Variants in MICU1 observed in about 807,000 individuals in gnomAD.
MICU1 encodes the protein mitochondrial calcium uptake 1.
MICU1 carries 45 observed loss-of-function variants against 56.8 expected under a neutral mutation model. That is an observed-to-expected ratio of 0.79 (90% confidence interval 0.62 to 1.02). The LOEUF is 1.02. MICU1 is among the 50% of genes least tolerant of loss of function. The probability of loss-of-function intolerance (pLI) is 0.00; values close to 1 mark genes in which losing one functional copy is unlikely to be tolerated. For synonymous variants in MICU1, 186 were observed against 195.1 expected (o/e 0.95, Z 0.39); for missense variants, 504 against 587.1 (o/e 0.86, Z 1.46).
intron 10 of MICU1, among the ~76,000 whole-genome samples, chr10:72,376,956 A>G (rs1246466721): frequency 1.3e-5 from 2 of 152,012 alleles, no homozygotes; most frequent in East Asian, 1.9e-4. Context: ...GTGTGAGTAC[A>G]CTAAGGCTTC....
chr10:72,614,530 T>G (rs551747886), intron 1 of MICU1, among the ~76,000 whole-genome samples: 1 of 152,346 alleles, frequency 6.6e-6, no homozygotes, highest in African/African-American at 2.4e-5. Flanking sequence ...AGGAATATTA[T>G]TCAGCCTTTA....
At chr10:72,604,358 C>CG (rs1162951459) in intron 1 of MICU1, among the ~76,000 whole-genome samples, 8 of 75,430 alleles carry the variant, frequency 1.1e-4, no homozygotes, top group Non-Finnish European at 2.2e-4. Flanking sequence ...ACTGCAACCT[C>CG]CCCCTCCTGG....
chr10:72,441,617 T>TTC (rs1564870939), intron 8 of MICU1, among the ~76,000 whole-genome samples: 4 of 115,778 alleles, frequency 3.5e-5, no homozygotes, highest in Admixed American at 7.8e-5. Context: ...TAATTTTTCT[T>TTC]TTTTTTTTTT....
chr10:72,564,751 GA>G (rs1446203737), intron 2 of MICU1, among the ~76,000 whole-genome samples: 1 of 152,012 alleles, frequency 6.6e-6, no homozygotes, highest in African/African-American at 2.4e-5. Context: ...GTCACACAGA[GA>G]AAGAGCTCCA....
chr10:72,611,948 AATAGCCACTG>A (rs1841861783), intron 1 of MICU1, among the ~76,000 whole-genome samples: 1 of 150,852 alleles, frequency 6.6e-6, no homozygotes, highest in African/African-American at 2.4e-5. Context: ...AGTGACTGTG[AATAGCCACTG>A]CACTCCTGCC....
In MICU1 at chr10:72,564,706, TG is replaced by T. The variant is rs1346366943; in HGVS notation, c.162-1644del. On this transcript the variant is annotated intron_variant, in intron 2 of 11. Transcript: ENST00000361114. Reference sequence around the variant, plus strand: ...CAAAGTTTGGAAAACCTGAGGTGCCTGGAATTGGTGAGGCAGAGGACTCAAA... The same window carrying T: ...CAAAGTTTGGAAAACCTGAGGTGCCTGAATTGGTGAGGCAGAGGACTCAAA... Among the ~76,000 whole-genome samples, 6 of 152,110 alleles carry T rather than the reference TG, an allele frequency of 3.9e-5. No homozygotes were observed. In the East Asian group the frequency reaches 7.7e-4, roughly 20 times the overall value.
At chr10:72,505,730 C>T (rs944372982) in intron 6 of MICU1, among the ~76,000 whole-genome samples, 4 of 152,040 alleles carry the variant, frequency 2.6e-5, no homozygotes, top group East Asian at 1.9e-4. Flanking sequence ...AAATACCGCA[C>T]GTTCTCATTT....
At chr10:72,590,016 GAAAA>G (rs79641174) in intron 1 of MICU1, among the ~76,000 whole-genome samples, 3 of 142,940 alleles carry the variant, frequency 2.1e-5, no homozygotes, top group Admixed American at 7.0e-5. Flanking sequence ...CTGTCAGAAA[GAAAA>G]AAAAAAATCT....
chr10:72,457,757 C>A lies in MICU1; in HGVS notation c.933+17343G>T, dbSNP rs147141118. ...AGAGAGACAGAGAGAGAGATAGTCACCACCACCACAACAAAAAAACACCAA... is the reference window on the plus strand; with the variant it reads ...AGAGAGACAGAGAGAGAGATAGTCAACACCACCACAACAAAAAAACACCAA... On this transcript the variant is annotated intron_variant, in intron 8 of 11. Transcript: ENST00000361114. 2.8e-3 allele frequency among the ~76,000 whole-genome samples: 426 copies of A among 152,018 alleles called. 3 individuals are homozygous for A. The highest frequency in any genetic ancestry group is 9.7e-3 in the African/African-American group (402 of 41,454).
At chr10:72,451,927 C>T (rs925910588) in intron 8 of MICU1, among the ~76,000 whole-genome samples, 3 of 152,096 alleles carry the variant, frequency 2.0e-5, no homozygotes, top group Non-Finnish European at 4.4e-5. Context: ...TGCAGTGGTA[C>T]GATCTCTGCT....
rs200766380 is a variant in MICU1, at chr10:72,453,518, CTTATTTAT to C, written c.933+21574_933+21581del. Among the ~76,000 whole-genome samples the C allele has an allele frequency of 2.8e-3, 422 of 151,980 alleles. 1 individual carries two copies. The highest frequency in any genetic ancestry group is 9.6e-3 in the African/African-American group (397 of 41,452). ...AAAATCCCAACATTACTTTATTTTA[CTTATTTAT>C]TTATTTATTTATTTATTTTTGAAAC... is the stretch of plus-strand genomic sequence containing the variant. On this transcript the variant is annotated intron_variant, in intron 8 of 11. Coordinates refer to ENST00000361114, the MANE Select transcript of MICU1 (RefSeq NM_001195518.2).
At chr10:72,394,841 T>C (rs1376982270) in intron 10 of MICU1, among the ~76,000 whole-genome samples, 2 of 151,808 alleles carry the variant, frequency 1.3e-5, no homozygotes, top group African/African-American at 4.8e-5. Flanking sequence ...AAAAGAAAAA[T>C]TAAATGTATC....
At chr10:72,414,347 C>T (rs558413558) in intron 9 of MICU1, among the ~76,000 whole-genome samples, 2 of 152,222 alleles carry the variant, frequency 1.3e-5, no homozygotes, top group African/African-American at 4.8e-5. Flanking sequence ...AAATAAAATA[C>T]TATTTACTCT....
rs565937280 is a variant in MICU1, at chr10:72,369,405, G to GA, written c.1271-1051dup. Among the ~76,000 whole-genome samples the GA allele has an allele frequency of 2.1e-3, 320 of 151,976 alleles. 1 individual carries two copies. Among genetic ancestry groups the GA allele is most frequent in the African/African-American group, 7.2e-3 (298 of 41,440 alleles). The stretch of plus-strand genomic sequence containing the variant: ...TTCTCTTCCAGGCAATGGAACATCA[G>GA]AAAAAAACTGGAAGCAGGGGAGTAA... On this transcript the variant is annotated intron_variant, in intron 11 of 11. Transcript: ENST00000361114.
At chr10:72,611,939 G>A (rs758273395) in intron 1 of MICU1, among the ~76,000 whole-genome samples, 29 of 148,632 alleles carry the variant, frequency 2.0e-4, no homozygotes, top group Non-Finnish European at 3.7e-4. Flanking sequence ...GTGCTACACA[G>A]TGACTGTGAA....
chr10:72,477,389 T>C, intron 6 of MICU1, 133 bp from the exon 7 acceptor site: 1 of 1,194,722 alleles, frequency 8.4e-7, no homozygotes, highest in Non-Finnish European at 1.2e-6. Flanking sequence ...AAAGTCTCAA[T>C]AAATGGAAAA....
Position 72,474,225 on chromosome 10 carries a change from C to T in MICU1, c.933+875G>A, listed in dbSNP as rs527744042. ...GAGCCAAGATCATATCATGCCACTG[C>T]ACTCCACCCTGGCTGATGGAGTAGG... is the stretch of plus-strand genomic sequence containing the variant. On this transcript the variant is annotated intron_variant, in intron 8 of 11. Transcript: ENST00000361114. 9.3e-5 allele frequency among the ~76,000 whole-genome samples: 12 copies of T among 129,536 alleles called. No individual in the cohort carries two copies. The East Asian group carries it at 2.8e-3, about 30-fold the overall frequency. The allele number at this position is 129,536 out of a possible 152,430, so 85.0% of individuals were successfully genotyped here.
At chr10:72,544,885 C>G (rs1406037488) in intron 4 of MICU1, among the ~76,000 whole-genome samples, 1 of 152,178 alleles carries the variant, frequency 6.6e-6, no homozygotes, top group Non-Finnish European at 1.5e-5. Flanking sequence ...ATCTGCTCCC[C>G]TATTCATTTT....
intron 5 of MICU1, among the ~76,000 whole-genome samples, chr10:72,513,023 C>A (rs1329254605): frequency 6.6e-6 from 1 of 152,000 alleles, no homozygotes; most frequent in Non-Finnish European, 1.5e-5. Flanking sequence ...TTGTTTAAGA[C>A]AGGAGGAGGT....
Sources: allele counts gnomAD v4.1 joint callset (sites outside exome capture counted in the v4.1 genomes callset), GRCh38; gene constraint gnomAD v4.1.1; transcripts MANE v1.5; gene names NCBI Gene and HGNC (gene_info 2026-07-23, HGNC 2026-07-21).